The following SLC4A1AP variants were observed in gnomAD, a reference collection of about 807,000 sequenced individuals.
SLC4A1AP encodes the protein solute carrier family 4 member 1 adaptor protein.
In SLC4A1AP, 64 loss-of-function variants were observed where a neutral mutation model predicts 89.7. The observed-to-expected ratio is 0.71, with a 90% CI of 0.58 to 0.88. SLC4A1AP has a LOEUF of 0.88. Among genes scored for constraint, SLC4A1AP ranks in the 40% least tolerant of loss-of-function variants. SLC4A1AP has a pLI of 0.00. For synonymous variants in SLC4A1AP, 366 were observed against 353.3 expected (o/e 1.04, Z -0.40); for missense variants, 931 against 965.0 (o/e 0.96, Z 0.47).
exon 1 of SLC4A1AP, chr2:27,664,360 A>C: frequency 1.9e-6 from 3 of 1,613,754 alleles, no homozygotes; most frequent in Non-Finnish European, 2.5e-6. Context: ...TGCCTGGAGC[A>C]CCCTTCGGTG....
At chr2:27,679,553 G>A (rs1018870499) in intron 8 of SLC4A1AP, among the ~76,000 whole-genome samples, 3 of 152,146 alleles carry the variant, frequency 2.0e-5, no homozygotes, top group South Asian at 2.1e-4. Context: ...AGTGAGCCGA[G>A]ATTGCGCCAC....
chr2:27,686,487 A>G (rs1675706492), intron 10 of SLC4A1AP, among the ~76,000 whole-genome samples: 1 of 152,230 alleles, frequency 6.6e-6, no homozygotes, highest in Non-Finnish European at 1.5e-5. Flanking sequence ...AAATTTGGCC[A>G]GGCACAGTGG....
intron 5 of SLC4A1AP, among the ~76,000 whole-genome samples, chr2:27,673,186 T>C (rs1412168132): frequency 6.6e-6 from 1 of 152,166 alleles, no homozygotes; most frequent in Non-Finnish European, 1.5e-5. Flanking sequence ...GTGTAATCAC[T>C]TTGGCTCTCA....
At chr2:27,688,250 C>T (rs574209297) in intron 11 of SLC4A1AP, among the ~76,000 whole-genome samples, 4 of 152,214 alleles carry the variant, frequency 2.6e-5, no homozygotes, top group Non-Finnish European at 5.9e-5. Context: ...CTCCCTCCCC[C>T]ACAAAGCACC....
exon 1 of SLC4A1AP, chr2:27,664,410 C>T: frequency 6.2e-7 from 1 of 1,614,218 alleles, no homozygotes; most frequent in Non-Finnish European, 8.5e-7. Context: ...GGCGTCCGGC[C>T]CTGACGGAGA....
intron 6 of SLC4A1AP, among the ~76,000 whole-genome samples, chr2:27,676,652 C>T (rs1175400557): frequency 2.7e-5 from 4 of 150,734 alleles, no homozygotes; most frequent in African/African-American, 7.3e-5. Context: ...TGAAACCCCA[C>T]CTCTACTAAA....
chr2:27,663,941 G>T (rs766590494), exon 1 of SLC4A1AP: 2 of 1,614,080 alleles, frequency 1.2e-6, no homozygotes, highest in African/African-American at 2.7e-5. Flanking sequence ...CTCAGTCAGA[G>T]ACCCTGGCGT....
At chr2:27,693,544 T>C (rs1405443840) in intron 12 of SLC4A1AP, 141 bp from the exon 13 acceptor site, 6 of 602,338 alleles carry the variant, frequency 1.0e-5, no homozygotes, top group Non-Finnish European at 1.7e-5. Flanking sequence ...TTCATGAAAC[T>C]TAGTTTTGTT....
exon 8 of SLC4A1AP, chr2:27,677,836 C>T: frequency 6.2e-7 from 1 of 1,613,680 alleles, no homozygotes; most frequent in Non-Finnish European, 8.5e-7. Flanking sequence ...GAAACTTCAC[C>T]TGAGAACTTT....
chr2:27,664,162 G>GC lies in SLC4A1AP; in HGVS notation c.416dup (p.Thr140AspfsTer43), dbSNP rs757574852. The GC allele has an allele frequency of 6.2e-7, 1 of 1,614,126 alleles. No individual in the cohort carries two copies. Among genetic ancestry groups the GC allele is most frequent in the East Asian group, 2.2e-5 (1 of 44,880 alleles). On this transcript the variant is annotated frameshift_variant, in exon 1 of 14. Coordinates refer to ENST00000613058, the Ensembl canonical transcript of SLC4A1AP. LOFTEE classifies it high-confidence loss of function. ...AGGAGTCTACAGGAGGAGCAGTCGC[G>GC]CCCCCCGACAGCGGTTTCTTCCCCT...
chr2:27,681,739 T>G (rs777108963), intron 8 of SLC4A1AP, among the ~76,000 whole-genome samples: 1 of 152,196 alleles, frequency 6.6e-6, no homozygotes, highest in Non-Finnish European at 1.5e-5. Context: ...GTTGACAGGC[T>G]CAGCAGTTGC....
chr2:27,681,512 T>C (rs565764694), intron 8 of SLC4A1AP, among the ~76,000 whole-genome samples: 1 of 152,176 alleles, frequency 6.6e-6, no homozygotes, highest in Non-Finnish European at 1.5e-5. Flanking sequence ...CTTTTCAGTC[T>C]AGTATGCTTA....
At chr2:27,687,871 G>T in intron 10 of SLC4A1AP, 63 bp from the exon 11 acceptor site, 19 of 1,309,226 alleles carry the variant, frequency 1.5e-5, no homozygotes, top group Non-Finnish European at 2.0e-5. Flanking sequence ...TTTTGTTTTT[G>T]TTTGTTTGGC....
At chr2:27,664,667 C>A in intron 1 of SLC4A1AP, 90 bp downstream of exon 1, 1 of 996,978 alleles carries the variant, frequency 1.0e-6, no homozygotes, top group Non-Finnish European at 1.5e-6. Flanking sequence ...AAGAATCTCC[C>A]ACTCAGCGAT....
chr2:27,672,558 C>G (rs1675442222), intron 5 of SLC4A1AP, among the ~76,000 whole-genome samples: 1 of 152,086 alleles, frequency 6.6e-6, no homozygotes, highest in African/African-American at 2.4e-5. Flanking sequence ...TATCTCCTCT[C>G]TGTTTTCTCC....
chr2:27,685,800 A>C (rs189621166), intron 10 of SLC4A1AP, among the ~76,000 whole-genome samples: 1 of 152,198 alleles, frequency 6.6e-6, no homozygotes, highest in African/African-American at 2.4e-5. Flanking sequence ...CAAATATTTG[A>C]TGAAAAATGT....
intron 2 of SLC4A1AP, 50 bp downstream of exon 2, chr2:27,665,345 A>G: frequency 6.8e-7 from 1 of 1,460,998 alleles, no homozygotes; most frequent in Non-Finnish European, 9.3e-7. Flanking sequence ...GTTCATTACA[A>G]GTGGTACCCT....
At chr2:27,664,717 G>T in intron 1 of SLC4A1AP, 140 bp downstream of exon 1, 1 of 677,452 alleles carries the variant, frequency 1.5e-6, no homozygotes, top group Non-Finnish European at 2.5e-6. Flanking sequence ...ATCATCTTCA[G>T]ACGGCTGTAC....
exon 1 of SLC4A1AP, chr2:27,664,183 C>G: frequency 6.2e-7 from 1 of 1,614,100 alleles, no homozygotes; most frequent in Non-Finnish European, 8.5e-7. Flanking sequence ...GCGGTTTCTT[C>G]CCCTGGCGGT....
Sources: gnomAD v4.1 joint callset for allele counts (sites outside exome capture counted in the v4.1 genomes callset) on GRCh38, gnomAD v4.1.1 for gene constraint, MANE v1.5 for transcripts, NCBI Gene and HGNC (gene_info 2026-07-23, HGNC 2026-07-21) for gene names.